The following SMIM24 variants were observed in gnomAD, a reference collection of about 807,000 sequenced individuals.
SMIM24 encodes small integral membrane protein 24, also known as MAP17-related dimer.
SMIM24 carries 6 observed loss-of-function variants against 10.8 expected under a neutral mutation model. That is an observed-to-expected ratio of 0.55 (90% CI 0.30 to 1.09). The LOEUF (loss-of-function observed/expected upper bound fraction) is 1.09. Ranked by LOEUF, SMIM24 falls within the 50% of genes least tolerant of loss-of-function variation. SMIM24 has a pLI of 0.06. For synonymous variants in SMIM24, 71 were observed against 62.4 expected (o/e 1.14, Z -0.65); for missense variants, 151 against 153.4 (o/e 0.98, Z 0.08).
Position 3,474,945 on chromosome 19 carries a change from C to T in SMIM24, c.291G>A (p.Lys97=), listed in dbSNP as rs1418368922. The T allele has an allele frequency of 7.1e-6, 11 of 1,551,522 alleles. No individual in the cohort carries two copies. Among genetic ancestry groups the T allele is most frequent in the African/African-American group, 2.7e-5 (2 of 73,012 alleles). ...CTTCCTTTGCTGTCTTTTTCTCCTT[C>T]TTCCTCTTCTCTTCTTTCTCCTTGG... ...KEAKEKEEKR[K]KEKKTAKEGE... The change falls in exon 4 of 4, where the codon AAG becomes AAA. Residue 97 remains lysine (K), a synonymous_variant. Transcript: ENST00000215531.
At chr19:3,475,509 T>G (rs1289058746) in intron 3 of SMIM24, among the ~76,000 whole-genome samples, 2 of 144,046 alleles carry the variant, frequency 1.4e-5, no homozygotes, top group African/African-American at 5.3e-5. Flanking sequence ...GATGGCTAGG[T>G]GGGTGAGTGG....
intron 3 of SMIM24, among the ~76,000 whole-genome samples, chr19:3,476,952 T>C (rs1599750159): frequency 1.4e-5 from 2 of 141,318 alleles, no homozygotes; most frequent in South Asian, 4.6e-4. Flanking sequence ...GGTGGATGGA[T>C]GGTGAATGGA....
chr19:3,480,468 G>A lies in SMIM24; in HGVS notation c.-5C>T. On this transcript the variant is annotated 5_prime_UTR_variant, in exon 1 of 4. Transcript: ENST00000215531. ...AAGGGCCCCCAGGGTCTCCATGACG[G>A]TCGAGTGAGCCAGCAGCCAGCCAGC... The A allele has an allele frequency of 6.5e-7, 1 of 1,549,002 alleles. No individual in the cohort carries two copies.
intron 3 of SMIM24, among the ~76,000 whole-genome samples, chr19:3,476,779 T>C (rs1408056332): frequency 6.7e-6 from 1 of 148,544 alleles, no homozygotes; most frequent in East Asian, 2.0e-4. Flanking sequence ...GATGGATGGA[T>C]GGATAAATGG....
chr19:3,480,274 C>G, intron 1 of SMIM24, 123 bp downstream of exon 1: 1 of 1,055,806 alleles, frequency 9.5e-7, no homozygotes, highest in South Asian at 1.6e-5. Context: ...GAAGGGCCTC[C>G]AAGCCACTCT....
At chr19:3,478,513 G>T in intron 2 of SMIM24, 35 bp from the exon 3 acceptor site, 1 of 1,525,766 alleles carries the variant, frequency 6.6e-7, no homozygotes. Flanking sequence ...AAGGGGGCGG[G>T]AGAGGAGAAA....
intron 3 of SMIM24, among the ~76,000 whole-genome samples, chr19:3,476,854 T>TGATGGATG (rs111284772): frequency 8.9e-6 from 1 of 112,006 alleles, no homozygotes; most frequent in African/African-American, 3.6e-5. Context: ...GATGGATAGG[T>TGATGGATG]GATGGATGGA....
chr19:3,475,923 A>T (rs1259207547), intron 3 of SMIM24, among the ~76,000 whole-genome samples: 4 of 151,658 alleles, frequency 2.6e-5, no homozygotes, highest in Non-Finnish European at 1.5e-5. Context: ...TGGATGGATG[A>T]GTAGATAAGT....
At chr19:3,476,767 AGGAT>A (rs1387214133) in intron 3 of SMIM24, among the ~76,000 whole-genome samples, 1 of 137,076 alleles carries the variant, frequency 7.3e-6, no homozygotes, top group Non-Finnish European at 1.7e-5. Context: ...GATGGATGGA[AGGAT>A]GGATGGATGG....
At chr19:3,478,727 T>G in intron 2 of SMIM24, 91 bp downstream of exon 2, 2 of 1,059,632 alleles carry the variant, frequency 1.9e-6, no homozygotes, top group Non-Finnish European at 2.7e-6. Flanking sequence ...CCTTCGGACT[T>G]TGAGGCTGGT....
In SMIM24 at chr19:3,474,684, T is replaced by G. The variant is rs1011994186; in HGVS notation, c.*159A>C. ...CCATGTTTGCCCAGAGAGCCCCCAA[T>G]GAGGGAGGTGGGGTGGGTTCCAAGC... On this transcript the variant is annotated 3_prime_UTR_variant, in exon 4 of 4. Coordinates refer to ENST00000215531, the MANE Select transcript of SMIM24 (RefSeq NM_001136503.2). 7 of 869,850 alleles carry G rather than the reference T, an allele frequency of 8.0e-6. No homozygotes were observed. In the African/African-American group the frequency reaches 1.2e-4, roughly 15 times the overall value. The allele number at this position is 869,850 out of a possible 1,614,324, so 53.9% of individuals were successfully genotyped here.
At chr19:3,477,856 T>TG (rs771186991) in intron 3 of SMIM24, among the ~76,000 whole-genome samples, 2 of 147,284 alleles carry the variant, frequency 1.4e-5, no homozygotes, top group Non-Finnish European at 3.0e-5. Context: ...AATGGGTGAG[T>TG]GGGTGGATGA....
chr19:3,479,033 C>T (rs1490091580), intron 1 of SMIM24, 104 bp from the exon 2 acceptor site: 4 of 863,102 alleles, frequency 4.6e-6, no homozygotes, highest in South Asian at 1.7e-5. Context: ...GGGGGTGCTC[C>T]GACAGAGGGG....
At chr19:3,476,311 G>A (rs374851634) in intron 3 of SMIM24, among the ~76,000 whole-genome samples, 1 of 151,962 alleles carries the variant, frequency 6.6e-6, no homozygotes, top group Admixed American at 6.6e-5. Flanking sequence ...CAGTTGGAGA[G>A]TGAAGACTGC....
chr19:3,474,985 C>T lies in SMIM24; in HGVS notation c.251G>A (p.Arg84Lys), dbSNP rs1295480130. The T allele has an allele frequency of 1.7e-5, 26 of 1,551,268 alleles. No homozygotes were observed. Among genetic ancestry groups the T allele is most frequent in the Non-Finnish European group, 2.1e-5 (24 of 1,146,972 alleles). Residue 84 changes from arginine to lysine, a missense_variant, in exon 4 of 4, where the codon AGA becomes AAA. Coordinates refer to ENST00000215531, the MANE Select transcript of SMIM24 (RefSeq NM_001136503.2). ...NLYQDQSEDK[R>K]EKKEAKEKEE... ...TTTCTCCTTGGCCTCTTTCTTCTCTCTCTTGTCTTCACTGTAGGGATACAA... is the reference window on the plus strand; with the variant it reads ...TTTCTCCTTGGCCTCTTTCTTCTCTTTCTTGTCTTCACTGTAGGGATACAA...
At chr19:3,475,281 C>A (rs1325631403) in intron 3 of SMIM24, among the ~76,000 whole-genome samples, 3 of 151,762 alleles carry the variant, frequency 2.0e-5, no homozygotes, top group African/African-American at 7.3e-5. Flanking sequence ...AAGGAGGCTG[C>A]TTTTGAGGCT....
In SMIM24 at chr19:3,478,416, T is replaced by C; in HGVS notation, c.239+3A>G. 6.5e-7 allele frequency: 1 copy of C among 1,548,312 alleles called. No homozygotes were observed. Among genetic ancestry groups the C allele is most frequent in the Non-Finnish European group, 8.7e-7 (1 of 1,145,850 alleles). Reference sequence around the variant, plus strand: ...AGACCCCCAGCATCCGCACGCATAGTACCTCTGGTCCTGGTATAGGTTGGA... The same window carrying C: ...AGACCCCCAGCATCCGCACGCATAGCACCTCTGGTCCTGGTATAGGTTGGA... On this transcript the variant is annotated splice_donor_region_variant and intron_variant, in intron 3 of 3. Coordinates refer to ENST00000215531, the MANE Select transcript of SMIM24 (RefSeq NM_001136503.2).
chr19:3,479,048 TGGAAAG>T (rs2082805546), intron 1 of SMIM24, 119 bp from the exon 2 acceptor site: 1 of 732,348 alleles, frequency 1.4e-6, no homozygotes, highest in Non-Finnish European at 2.2e-6. Context: ...GAGGGGGTAT[TGGAAAG>T]GGACGGAGCT....
At chr19:3,480,327 A>C in intron 1 of SMIM24, 70 bp downstream of exon 1, 1 of 1,346,172 alleles carries the variant, frequency 7.4e-7, no homozygotes, top group Non-Finnish European at 1.0e-6. Context: ...GCCATGGAAA[A>C]TTGGGAGATG....
Sources: allele counts gnomAD v4.1 joint callset (sites outside exome capture counted in the v4.1 genomes callset), GRCh38; gene constraint gnomAD v4.1.1; transcripts MANE v1.5; gene names NCBI Gene and HGNC (gene_info 2026-07-23, HGNC 2026-07-21).